BIRC3: variants seen among roughly 807,000 people sequenced by gnomAD.
BIRC3 encodes baculoviral IAP repeat-containing protein 3.
Under a neutral mutation model 59.0 loss-of-function variants are expected in BIRC3, and 26 were observed. That is an observed-to-expected ratio of 0.44 (90% confidence interval 0.32 to 0.61). The LOEUF (loss-of-function observed/expected upper bound fraction) is 0.61. Among genes scored for constraint, BIRC3 ranks in the 20% least tolerant of loss-of-function variants. The pLI is 0.04. For synonymous variants in BIRC3, 243 were observed against 249.2 expected (o/e 0.98, Z 0.24); for missense variants, 641 against 711.5 (o/e 0.90, Z 1.13).
At position 102,339,035 on chromosome 11, in the gene BIRC3, AC is replaced by A; in HGVS notation, c.*1934del. 1 of 142,598 alleles carries A rather than the reference AC, an allele frequency of 7.0e-6. No homozygotes were observed. 8.8% of individuals were successfully genotyped at this position (142,598 alleles called of 1,614,324 possible). A position where few individuals can be genotyped will look rare whatever the true frequency, so the allele number is the denominator to read the frequency against. On this transcript the variant is annotated 3_prime_UTR_variant, in exon 9 of 9. Transcript: ENST00000263464. The stretch of plus-strand genomic sequence containing the variant: ...CATCTCTGCATTCTGATGCTGGGAG[AC>A]TTATTTCCTTGAAATGCAATTGATT...
chr11:102,322,376 A>G lies in BIRC3; in HGVS notation c.-2134A>G, dbSNP rs1041252806. 1 of 206,620 alleles carries G rather than the reference A, an allele frequency of 4.8e-6. No homozygotes were observed. The highest frequency in any genetic ancestry group is 2.3e-5 in the African/African-American group (1 of 43,874). 12.8% of individuals were successfully genotyped at this position (206,620 alleles called of 1,614,324 possible). ...TTGATATGTGCAACAAATTTAGAGG[A>G]AGTAAAAAGATAAATGTGATGATTG... On this transcript the variant is annotated 5_prime_UTR_variant, in exon 2 of 9. Transcript: ENST00000263464.
Position 102,323,401 on chromosome 11 carries a change from G to A in BIRC3, c.-1109G>A, listed in dbSNP as rs1354860023. ...ACCTGTTGTCTACCATAATTACAGA[G>A]GACATTTCCATGTTCTAGCCAAGTA... On this transcript the variant is annotated 5_prime_UTR_variant, in exon 2 of 9. Transcript: ENST00000263464. 3 of 191,834 alleles carry A rather than the reference G, an allele frequency of 1.6e-5. No homozygotes were observed. The highest frequency in any genetic ancestry group is 7.0e-5 in the African/African-American group (3 of 43,068). The allele number at this position is 191,834 out of a possible 1,614,324, so 11.9% of individuals were successfully genotyped here.
chr11:102,327,919 A>C (rs1015471299), intron 3 of BIRC3, 133 bp from the exon 4 acceptor site: 1 of 634,426 alleles, frequency 1.6e-6, no homozygotes, highest in Non-Finnish European at 2.7e-6. Flanking sequence ...ATGATCTTAA[A>C]TGATTCTGTG....
At position 102,324,677 on chromosome 11, in the gene BIRC3, T is replaced by C. The variant is rs751101959; in HGVS notation, c.168T>C (p.Tyr56=). The change falls in exon 2 of 9, where the codon TAT becomes TAC. Residue 56 remains tyrosine (Y), a synonymous_variant. Coordinates refer to ENST00000263464, the MANE Select transcript of BIRC3 (RefSeq NM_001165.5). ...SERSLARAGF[Y]YTGVNDKVKC... is the part of the protein sequence containing the mutation. ...GGAGTCTTGCTCGTGCTGGTTTCTA[T>C]TACACTGGTGTGAATGACAAGGTCA... The C allele has an allele frequency of 1.2e-6, 2 of 1,614,238 alleles. No homozygotes were observed. The highest frequency in any genetic ancestry group is 1.7e-5 in the Admixed American group (1 of 60,026).
rs1460336609 is a variant in BIRC3 at position 102,324,038 on chromosome 11, A to T, written c.-472A>T. The T allele has an allele frequency of 9.5e-6, 2 of 209,598 alleles. No homozygotes were observed. The highest frequency in any genetic ancestry group is 1.2e-4 in the Admixed American group (2 of 16,914). The allele number at this position is 209,598 out of a possible 1,614,324, so 13.0% of individuals were successfully genotyped here. A position where few individuals can be genotyped will look rare whatever the true frequency, so the allele number is the denominator to read the frequency against. On this transcript the variant is annotated 5_prime_UTR_variant, in exon 2 of 9. Coordinates refer to ENST00000263464, the MANE Select transcript of BIRC3 (RefSeq NM_001165.5). ...AAAAAGCAAAATAAACATATTCTGAATATTTTTGCTGTGAAACACTTGACA... is the reference window on the plus strand; with the variant it reads ...AAAAAGCAAAATAAACATATTCTGATTATTTTTGCTGTGAAACACTTGACA...
chr11:102,327,226 C>T (rs1951092341), intron 3 of BIRC3, among the ~76,000 whole-genome samples: 1 of 152,140 alleles, frequency 6.6e-6, no homozygotes, highest in South Asian at 2.1e-4. Context: ...AATATTTATA[C>T]TTCACAATAT....
intron 6 of BIRC3, among the ~76,000 whole-genome samples, chr11:102,332,278 C>T (rs924666764): frequency 1.3e-5 from 2 of 152,314 alleles, no homozygotes; most frequent in East Asian, 3.9e-4. Flanking sequence ...AAGCATGGAC[C>T]AGACCTATAA....
intron 1 of BIRC3, among the ~76,000 whole-genome samples, 166 bp downstream of exon 1, chr11:102,317,737 G>C (rs1017083762): frequency 6.6e-6 from 1 of 152,194 alleles, no homozygotes; most frequent in Non-Finnish European, 1.5e-5. Context: ...CAGTGGGTGG[G>C]GCGCAGTTAT....
intron 1 of BIRC3, among the ~76,000 whole-genome samples, chr11:102,321,422 T>G (rs545281532): frequency 6.6e-5 from 10 of 152,170 alleles, no homozygotes; most frequent in Non-Finnish European, 1.3e-4. Flanking sequence ...TGGCACTATT[T>G]CGGCCCACTG....
chr11:102,317,811 T>G lies in BIRC3; in HGVS notation c.-2674+240T>G, dbSNP rs1302636355. ...CAGGTGCTCAATTTCTATTTCACGT[T>G]TGGAGTGAGCCAGTGGAATTGTGAA... On this transcript the variant is annotated intron_variant, in intron 1 of 8. Coordinates refer to ENST00000263464, the MANE Select transcript of BIRC3 (RefSeq NM_001165.5). Among the ~76,000 whole-genome samples, 3 of 152,188 alleles carry G rather than the reference T, an allele frequency of 2.0e-5. No homozygotes were observed. The East Asian group carries it at 5.8e-4, about 29-fold the overall frequency.
In BIRC3 at chr11:102,338,610, G is replaced by A. The variant is rs1013416156; in HGVS notation, c.*1508G>A. 8.7e-6 allele frequency: 2 copies of A among 228,732 alleles called. No individual in the cohort carries two copies. Among genetic ancestry groups the A allele is most frequent in the Non-Finnish European group, 8.7e-6 (1 of 115,302 alleles). 14.2% of individuals were successfully genotyped at this position (228,732 alleles called of 1,614,324 possible). ...GGACCCAGCAAGGCCTGTCTGTTCA[G>A]ATTATTCTTGGTCTCTGTGCAGCAT... On this transcript the variant is annotated 3_prime_UTR_variant, in exon 9 of 9. Coordinates refer to ENST00000263464, the MANE Select transcript of BIRC3 (RefSeq NM_001165.5).
chr11:102,318,505 AG>A (rs1218817010), intron 1 of BIRC3, among the ~76,000 whole-genome samples: 2 of 152,230 alleles, frequency 1.3e-5, no homozygotes, highest in Non-Finnish European at 2.9e-5. Flanking sequence ...AGATGCTATG[AG>A]TGGGAGGGCA....
In BIRC3 at chr11:102,318,035, C is replaced by T. The variant is rs1950989591; in HGVS notation, c.-2674+464C>T. On this transcript the variant is annotated intron_variant, in intron 1 of 8. Coordinates refer to ENST00000263464, the MANE Select transcript of BIRC3 (RefSeq NM_001165.5). ...GTCTTCCTGGTGATCAGCATGGAAA[C>T]CTAGTAGTGCTCTTACTCTGATCAA... Among the ~76,000 whole-genome samples, 5 of 152,212 alleles carry T rather than the reference C, an allele frequency of 3.3e-5. No homozygotes were observed. The South Asian group carries it at 1.0e-3, about 32-fold the overall frequency.
At position 102,331,098 on chromosome 11, in the gene BIRC3, T is replaced by C; in HGVS notation, c.1181T>C (p.Leu394Pro). The C allele has an allele frequency of 1.2e-6, 2 of 1,613,858 alleles. No homozygotes were observed. Among genetic ancestry groups the C allele is most frequent in the Non-Finnish European group, 1.7e-6 (2 of 1,179,866 alleles). The change falls in exon 6 of 9, where the codon CTG (leucine) becomes CCG (proline). Residue 394 changes from leucine to proline, a missense_variant. This residue lies in a region of BIRC3 where 268 missense variants were observed against 255.7 expected (regional missense o/e 1.05). Transcript: ENST00000263464. ...AAVEMGFSRS[L>P]VKQTVQRKIL... ...GTGGAAATGGGCTTTAGTAGAAGCC[T>C]GGTAAAACAGACAGTTCAGAGAAAA...
Position 102,323,065 on chromosome 11 carries a change from T to G in BIRC3, c.-1445T>G. On this transcript the variant is annotated 5_prime_UTR_variant, in exon 2 of 9. Transcript: ENST00000263464. ...TGGCATCTGGTAACTTTTGACTGTT[T>G]TAAAAAATAAATCCACTATCAGAGT... 5.0e-6 allele frequency: 1 copy of G among 198,164 alleles called. No homozygotes were observed. The highest frequency in any genetic ancestry group is 1.0e-5 in the Non-Finnish European group (1 of 95,770). The allele number at this position is 198,164 out of a possible 1,614,324, so 12.3% of individuals were successfully genotyped here.
rs1470457689 is a variant in BIRC3, at chr11:102,325,050, T to C, written c.541T>C (p.Leu181=). ...ARLLTFQTWP[L]TFLSPTDLAK... Reference sequence around the variant, plus strand: ...ATTACTTACTTTTCAGACATGGCCATTGACTTTTCTGTCGCCAACAGATCT... The same window carrying C: ...ATTACTTACTTTTCAGACATGGCCACTGACTTTTCTGTCGCCAACAGATCT... Residue 181 remains leucine, a synonymous_variant, in exon 2 of 9, where the codon TTG becomes CTG. Coordinates refer to ENST00000263464, the MANE Select transcript of BIRC3 (RefSeq NM_001165.5). The C allele has an allele frequency of 1.9e-6, 3 of 1,614,076 alleles. No individual in the cohort carries two copies. Among genetic ancestry groups the C allele is most frequent in the South Asian group, 2.2e-5 (2 of 91,084 alleles).
At chr11:102,336,367 G>A (rs2135792790) in intron 7 of BIRC3, 147 bp downstream of exon 7, 1 of 935,990 alleles carries the variant, frequency 1.1e-6, no homozygotes, top group East Asian at 2.7e-5. Context: ...TGAGGCAGGT[G>A]GATTGCTTGA....
intron 6 of BIRC3, among the ~76,000 whole-genome samples, chr11:102,333,450 G>A (rs1951164902): frequency 6.6e-6 from 1 of 151,768 alleles, no homozygotes; most frequent in African/African-American, 2.4e-5. Context: ...TGTAGTCCCA[G>A]CTCTACTCAG....
chr11:102,331,135 T>C lies in BIRC3; in HGVS notation c.1218T>C (p.Thr406=), dbSNP rs1481009764. 6.2e-7 allele frequency: 1 copy of C among 1,613,688 alleles called. No individual in the cohort carries two copies. Among genetic ancestry groups the C allele is most frequent in the Non-Finnish European group, 8.5e-7 (1 of 1,179,836 alleles). Residue 406 remains threonine (T), a synonymous_variant, in exon 6 of 9, where the codon ACT becomes ACC. Coordinates refer to ENST00000263464, the MANE Select transcript of BIRC3 (RefSeq NM_001165.5). ...CAGTTCAGAGAAAAATCCTAGCAAC[T>C]GGAGAGAATTATAGACTAGTCAATG... The part of the protein sequence containing the change: ...KQTVQRKILA[T]GENYRLVNDL...
Sources: gnomAD v4.1 joint callset for allele counts (sites outside exome capture counted in the v4.1 genomes callset) on GRCh38, gnomAD v4.1.1 for gene constraint, gnomAD v4.1.1 regional missense constraint, MANE v1.5 for transcripts, NCBI Gene and HGNC (gene_info 2026-07-23, HGNC 2026-07-21) for gene names.